ORMDL3: variants seen among roughly 807,000 people sequenced by gnomAD.
ORMDL3 encodes the protein ORM1-like protein 3.
A neutral mutation model predicts 12.6 loss-of-function variants in ORMDL3; 6 were observed. That is an observed-to-expected ratio of 0.48 (90% CI 0.26 to 0.94). ORMDL3 has a LOEUF of 0.94. ORMDL3 is among the 40% of genes least tolerant of loss of function. ORMDL3 has a pLI of 0.14. For synonymous variants in ORMDL3, 99 were observed against 87.2 expected (o/e 1.14, Z -0.75); for missense variants, 159 against 205.5 (o/e 0.77, Z 1.38).
rs1004861843 is a variant in ORMDL3 at position 39,927,569 on chromosome 17, T to G, written c.-108A>C. ...TCCAGCAGCTGTAACAACCCGCGGC[T>G]GCAGCCTCCCCGCTGGCAGCTCCGG... is the stretch of plus-strand genomic sequence containing the variant. On this transcript the variant is annotated 5_prime_UTR_variant, in exon 1 of 4. Coordinates refer to ENST00000304046, the MANE Select transcript of ORMDL3 (RefSeq NM_139280.4). The G allele has an allele frequency of 4.1e-6, 4 of 985,484 alleles. No individual in the cohort carries two copies. In the African/African-American group the frequency reaches 5.2e-5, roughly 13 times the overall value. 61.0% of individuals were successfully genotyped at this position (985,484 alleles called of 1,614,324 possible). A position where few individuals can be genotyped will look rare whatever the true frequency, so the allele number is the denominator to read the frequency against.
chr17:39,923,076 T>C, intron 3 of ORMDL3, 36 bp downstream of exon 3: 1 of 1,613,008 alleles, frequency 6.2e-7, no homozygotes, highest in Non-Finnish European at 8.5e-7. Flanking sequence ...GGCCTTGCCC[T>C]GCCTGCTGGT....
At chr17:39,922,730 G>A in intron 3 of ORMDL3, 45 bp from the exon 4 acceptor site, 21 of 1,593,348 alleles carry the variant, frequency 1.3e-5, no homozygotes, top group Non-Finnish European at 1.6e-5. Flanking sequence ...CTGTTGGGAG[G>A]ACCCCTTCCT....
At chr17:39,924,274 C>A in intron 1 of ORMDL3, 49 bp from the exon 2 acceptor site, 1 of 1,501,284 alleles carries the variant, frequency 6.7e-7, no homozygotes, top group Non-Finnish European at 8.9e-7. Context: ...TTTCCCTGCC[C>A]CCTCTCACCC....
Position 39,927,471 on chromosome 17 carries a change from C to CG in ORMDL3, c.-23+12_-23+13insC, listed in dbSNP as rs1978497615. Reference sequence around the variant, plus strand: ...CCGTAGCCCTGGGGCCTCTTGGTTCCTTCCGGGCTCACCGTGTGGGGCCGA... The same window carrying CG: ...CCGTAGCCCTGGGGCCTCTTGGTTCCGTTCCGGGCTCACCGTGTGGGGCCGA... On this transcript the variant is annotated intron_variant, in intron 1 of 3. Transcript: ENST00000304046. The CG allele has an allele frequency of 4.9e-5, 48 of 985,312 alleles. No individual in the cohort carries two copies. The highest frequency in any genetic ancestry group is 5.5e-5 in the Non-Finnish European group (46 of 829,976). 61.0% of individuals were successfully genotyped at this position (985,312 alleles called of 1,614,324 possible). A position where few individuals can be genotyped will look rare whatever the true frequency, so the allele number is the denominator to read the frequency against.
At chr17:39,923,378 G>A in intron 2 of ORMDL3, 115 bp from the exon 3 acceptor site, 4 of 1,208,368 alleles carry the variant, frequency 3.3e-6, no homozygotes, top group Non-Finnish European at 4.7e-6. Flanking sequence ...CCCTCTGCTG[G>A]GCAGGGGGAT....
At chr17:39,925,577 G>A (rs560119553) in intron 1 of ORMDL3, 3 of 152,138 alleles carry the variant, frequency 2.0e-5, no homozygotes, top group Non-Finnish European at 4.4e-5. Context: ...CAGCAACCCC[G>A]TCAGACCCAG....
rs529932183 is a variant in ORMDL3, at chr17:39,922,235, G to C, written c.*315C>G. 1 of 222,700 alleles carries C rather than the reference G, an allele frequency of 4.5e-6. No individual in the cohort carries two copies. Among genetic ancestry groups the C allele is most frequent in the South Asian group, 1.3e-4 (1 of 7,950 alleles). The allele number at this position is 222,700 out of a possible 1,614,324, so 13.8% of individuals were successfully genotyped here. On this transcript the variant is annotated 3_prime_UTR_variant, in exon 4 of 4. Transcript: ENST00000304046. The stretch of plus-strand genomic sequence containing the variant: ...GGGGTTTTTCCCCTGGCCTCCTGTC[G>C]CAACTGCGTGGTCCATGTTCAGCCC...
Sources: allele counts gnomAD v4.1 joint callset, GRCh38; gene constraint gnomAD v4.1.1; transcripts MANE v1.5; gene names NCBI Gene and HGNC (gene_info 2026-07-23, HGNC 2026-07-21).